The following AMN1 variants were observed in gnomAD, a reference collection of about 807,000 sequenced individuals.
The protein encoded by AMN1 is antagonist of mitotic exit network 1 homolog, also known as protein AMN1 homolog.
AMN1 carries 20 observed loss-of-function variants against 33.0 expected under a neutral mutation model. The ratio of observed to expected loss-of-function variants is 0.61; its 90% CI spans 0.43 to 0.88. The LOEUF (loss-of-function observed/expected upper bound fraction) is 0.88. Ranked by LOEUF, AMN1 falls within the 40% of genes least tolerant of loss-of-function variation. AMN1 has a pLI of 0.00. For synonymous variants in AMN1, 114 were observed against 111.9 expected, an observed-to-expected ratio of 1.02 and a Z score of -0.12; for missense variants, 246 against 307.4, an observed-to-expected ratio of 0.80 and a Z score of 1.49.
chr12:31,695,931 A>G (rs1938703762), intron 5 of AMN1, among the ~76,000 whole-genome samples: 1 of 152,090 alleles, frequency 6.6e-6, no homozygotes, highest in Non-Finnish European at 1.5e-5. Flanking sequence ...ATTCCATTAC[A>G]ATAGTTGGCT....
intron 1 of AMN1, among the ~76,000 whole-genome samples, chr12:31,721,603 C>T (rs1306511203): frequency 6.6e-6 from 1 of 152,198 alleles, no homozygotes; most frequent in East Asian, 1.9e-4. Context: ...GCTAAAGTGA[C>T]ACTGCAGGTG....
At chr12:31,715,086 G>A (rs1939618819) in intron 1 of AMN1, 1 of 198,668 alleles carries the variant, frequency 5.0e-6, no homozygotes, top group Admixed American at 6.5e-5. Context: ...ATTAACCCAA[G>A]TGTACTGAAG....
At chr12:31,674,476 CCTT>C (rs1194329111) in intron 6 of AMN1, among the ~76,000 whole-genome samples, 2 of 151,932 alleles carry the variant, frequency 1.3e-5, no homozygotes, top group East Asian at 3.8e-4. Flanking sequence ...GGTCCTCTCT[CCTT>C]CTACTTTTAA....
chr12:31,695,500 T>TTTTTG, intron 5 of AMN1, among the ~76,000 whole-genome samples: 1 of 151,126 alleles, frequency 6.6e-6, no homozygotes, highest in Non-Finnish European at 1.5e-5. Context: ...TTTTTTTTTT[T>TTTTTG]TGAGATGGAG....
intron 1 of AMN1, among the ~76,000 whole-genome samples, chr12:31,725,698 T>C (rs1436543803): frequency 6.6e-6 from 1 of 152,198 alleles, no homozygotes; most frequent in African/African-American, 2.4e-5. Context: ...TGTGTATTTA[T>C]GTATTTATTT....
intron 1 of AMN1, among the ~76,000 whole-genome samples, chr12:31,722,354 A>G (rs560964320): frequency 6.6e-6 from 1 of 152,318 alleles, no homozygotes; most frequent in South Asian, 2.1e-4. Context: ...TTGCTCAACA[A>G]TGAGCCAATA....
At position 31,702,012 on chromosome 12, in the gene AMN1, A is replaced by C. The variant is rs1052316686; in HGVS notation, c.172-5T>G. ...TTGGACTTCAGGATGTAAAATCTATAACAAATAAGTGATTTTGAAAAAATT... is the reference window on the plus strand; with the variant it reads ...TTGGACTTCAGGATGTAAAATCTATCACAAATAAGTGATTTTGAAAAAATT... On this transcript the variant is annotated splice_polypyrimidine_tract_variant and splice_region_variant and intron_variant, in intron 2 of 6. Coordinates refer to ENST00000281471, the MANE Select transcript of AMN1 (RefSeq NM_001113402.2). 3 of 1,581,908 alleles carry C rather than the reference A, an allele frequency of 1.9e-6. No individual in the cohort carries two copies. The East Asian group carries it at 6.8e-5, about 36-fold the overall frequency.
chr12:31,721,496 G>A (rs918666198), intron 1 of AMN1, among the ~76,000 whole-genome samples: 1 of 152,122 alleles, frequency 6.6e-6, no homozygotes, highest in Non-Finnish European at 1.5e-5. Flanking sequence ...CATAACTTGG[G>A]CACACATTAA....
At chr12:31,699,395 CA>C (rs34860207) in intron 3 of AMN1, among the ~76,000 whole-genome samples, 692 of 36,824 alleles carry the variant, frequency 0.019, 13 homozygotes, top group East Asian at 0.18. Context: ...GACTCTGTCT[CA>C]AAAAAAAAAA....
At chr12:31,717,273 G>A (rs1939713779) in intron 1 of AMN1, among the ~76,000 whole-genome samples, 1 of 152,152 alleles carries the variant, frequency 6.6e-6, no homozygotes, top group African/African-American at 2.4e-5. Flanking sequence ...CAAAGGACGT[G>A]ATTTCATTTC....
At chr12:31,688,966 A>G (rs1041324720) in intron 6 of AMN1, 41 bp downstream of exon 6, 19 of 1,352,728 alleles carry the variant, frequency 1.4e-5, no homozygotes, top group Non-Finnish European at 2.0e-5. Flanking sequence ...ACAGTAAAAG[A>G]TGAAGCCAGA....
At chr12:31,689,719 G>A (rs1215273539) in intron 5 of AMN1, among the ~76,000 whole-genome samples, 1 of 152,100 alleles carries the variant, frequency 6.6e-6, no homozygotes, top group Non-Finnish European at 1.5e-5. Flanking sequence ...GTCCAAAATT[G>A]GAACCCAAAT....
At chr12:31,693,093 C>T (rs959981733) in intron 5 of AMN1, among the ~76,000 whole-genome samples, 25 of 151,998 alleles carry the variant, frequency 1.6e-4, no homozygotes, top group African/African-American at 5.6e-4. Context: ...TTTTGAGACA[C>T]GGTCTCACTC....
chr12:31,685,033 T>A (rs1012702400), intron 6 of AMN1, among the ~76,000 whole-genome samples: 1 of 151,388 alleles, frequency 6.6e-6, no homozygotes, highest in African/African-American at 2.4e-5. Flanking sequence ...TAATTATTAT[T>A]TTTTTTTTTT....
intron 1 of AMN1, chr12:31,715,494 T>C: frequency 5.5e-6 from 1 of 180,422 alleles, no homozygotes; most frequent in Non-Finnish European, 1.2e-5. Flanking sequence ...TCAGTTTCTC[T>C]TCTGCTATTT....
intron 1 of AMN1, among the ~76,000 whole-genome samples, chr12:31,712,691 C>T (rs1437006773): frequency 2.0e-5 from 3 of 152,116 alleles, no homozygotes; most frequent in African/African-American, 7.2e-5. Flanking sequence ...GAGTCTTGCT[C>T]TGTTGCCAGG....
At chr12:31,694,739 C>T (rs555872527) in intron 5 of AMN1, among the ~76,000 whole-genome samples, 1 of 152,236 alleles carries the variant, frequency 6.6e-6, no homozygotes, top group Non-Finnish European at 1.5e-5. Flanking sequence ...GAACAAGACC[C>T]TGTCTCAAAA....
At chr12:31,675,849 A>G (rs1433024562) in intron 6 of AMN1, among the ~76,000 whole-genome samples, 1 of 151,762 alleles carries the variant, frequency 6.6e-6, no homozygotes, top group Non-Finnish European at 1.5e-5. Flanking sequence ...TAGAAATGGC[A>G]TGTACCAGAG....
chr12:31,704,302 G>A (rs965921836), intron 2 of AMN1, among the ~76,000 whole-genome samples: 4 of 152,044 alleles, frequency 2.6e-5, no homozygotes, highest in Non-Finnish European at 5.9e-5. Flanking sequence ...TGACTAGTAA[G>A]GTTAAATATC....
Sources: gnomAD v4.1 joint callset for allele counts (sites outside exome capture counted in the v4.1 genomes callset) on GRCh38, gnomAD v4.1.1 for gene constraint, MANE v1.5 for transcripts, NCBI Gene and HGNC (gene_info 2026-07-23, HGNC 2026-07-21) for gene names.